Variants in ANKRD12 observed in about 807,000 individuals in gnomAD.
ANKRD12 encodes ankyrin repeat domain-containing protein 12.
ANKRD12 carries 85 observed loss-of-function variants against 183.4 expected under a neutral mutation model. The observed-to-expected ratio is 0.46, with a 90% CI of 0.39 to 0.56. The LOEUF (loss-of-function observed/expected upper bound fraction) is 0.56. ANKRD12 is among the 20% of genes least tolerant of loss of function. ANKRD12 has a pLI of 0.00. For synonymous variants in ANKRD12, 914 were observed against 800.2 expected (o/e 1.14, Z -2.40); for missense variants, 2,405 against 2,357.1 (o/e 1.02, Z -0.42).
At chr18:9,188,495 T>C (rs754028160) in intron 2 of ANKRD12, among the ~76,000 whole-genome samples, 1 of 152,242 alleles carries the variant, frequency 6.6e-6, no homozygotes, top group Non-Finnish European at 1.5e-5. Flanking sequence ...TGGAGAATTA[T>C]GTCCCAACAC....
At chr18:9,199,509 C>A (rs1468890163) in intron 3 of ANKRD12, among the ~76,000 whole-genome samples, 2 of 151,960 alleles carry the variant, frequency 1.3e-5, no homozygotes, top group African/African-American at 4.8e-5. Flanking sequence ...ATGTTATAAA[C>A]CTTGACGTAA....
chr18:9,244,908 T>C (rs1567958497), intron 8 of ANKRD12, among the ~76,000 whole-genome samples: 1 of 152,228 alleles, frequency 6.6e-6, no homozygotes, highest in East Asian at 1.9e-4. Context: ...AAAATGTTTC[T>C]CCTGGGTGGT....
At chr18:9,262,453 G>GTT (rs1382866720) in intron 9 of ANKRD12, among the ~76,000 whole-genome samples, 2 of 152,030 alleles carry the variant, frequency 1.3e-5, no homozygotes, top group Non-Finnish European at 2.9e-5. Context: ...GTTTTGTTTT[G>GTT]TTTTTAGTTT....
chr18:9,155,981 A>G (rs993156774), intron 1 of ANKRD12, among the ~76,000 whole-genome samples: 2 of 152,070 alleles, frequency 1.3e-5, no homozygotes, highest in African/African-American at 2.4e-5. Flanking sequence ...CTAAAAATGC[A>G]AAAATTAGCT....
intron 8 of ANKRD12, among the ~76,000 whole-genome samples, chr18:9,252,470 A>G (rs1019884048): frequency 3.3e-5 from 5 of 152,210 alleles, no homozygotes; most frequent in African/African-American, 9.7e-5. Flanking sequence ...CTCCACTTTC[A>G]TCATGGACAT....
intron 2 of ANKRD12, among the ~76,000 whole-genome samples, chr18:9,190,908 G>A (rs181047552): frequency 2.2e-4 from 34 of 152,134 alleles, no homozygotes; most frequent in Non-Finnish European, 4.7e-4. Flanking sequence ...TTGCTTTATC[G>A]TGGTGGTCTG....
rs1429078657 is a variant in ANKRD12 at position 9,284,858 on chromosome 18, T to C, written c.*3732T>C. 2.0e-5 allele frequency: 3 copies of C among 152,362 alleles called. No individual in the cohort carries two copies. The highest frequency in any genetic ancestry group is 4.8e-5 in the African/African-American group (2 of 41,582). The allele number at this position is 152,362 out of a possible 1,614,324, so 9.4% of individuals were successfully genotyped here. ...TTGGGTTTTCCCAGTGGTTAAATGC[T>C]ATATAATAACTGCAAATAAAAGTTT... On this transcript the variant is annotated 3_prime_UTR_variant, in exon 13 of 13. Coordinates refer to ENST00000262126, the MANE Select transcript of ANKRD12 (RefSeq NM_015208.5).
chr18:9,166,215 T>G (rs1258484301), intron 1 of ANKRD12, among the ~76,000 whole-genome samples: 1 of 152,208 alleles, frequency 6.6e-6, no homozygotes, highest in African/African-American at 2.4e-5. Context: ...GCATGATTTG[T>G]AATCCTTTGG....
At chr18:9,221,226 G>A (rs1384404904) in intron 7 of ANKRD12, among the ~76,000 whole-genome samples, 2 of 152,132 alleles carry the variant, frequency 1.3e-5, no homozygotes, top group African/African-American at 4.8e-5. Context: ...CTGGTTATGT[G>A]GAACTTGAAG....
intron 3 of ANKRD12, among the ~76,000 whole-genome samples, chr18:9,198,256 AG>A (rs1852582923): frequency 6.6e-6 from 1 of 152,226 alleles, no homozygotes; most frequent in African/African-American, 2.4e-5. Flanking sequence ...AAGTGTGAAA[AG>A]GAAACTCAAA....
At position 9,269,946 on chromosome 18, in the gene ANKRD12, G is replaced by C. The variant is rs2039505613; in HGVS notation, c.5764-5578G>C. Among the ~76,000 whole-genome samples, 5 of 152,144 alleles carry C rather than the reference G, an allele frequency of 3.3e-5. No individual in the cohort carries two copies. The South Asian group carries it at 1.0e-3, about 32-fold the overall frequency. ...CAAGAAAAAACCCCATCAACAAGTG[G>C]GTGAAGGATATGAACAGACACTTCT... On this transcript the variant is annotated intron_variant, in intron 10 of 12. Transcript: ENST00000262126.
chr18:9,157,548 TGG>T (rs1469085078), intron 1 of ANKRD12, among the ~76,000 whole-genome samples: 3 of 108,702 alleles, frequency 2.8e-5, no homozygotes, highest in African/African-American at 1.5e-4. Flanking sequence ...ATGGTGTGTG[TGG>T]GTGTGTGTGT....
chr18:9,183,737 T>C (rs2033860405), intron 2 of ANKRD12, among the ~76,000 whole-genome samples: 1 of 152,150 alleles, frequency 6.6e-6, no homozygotes, highest in South Asian at 2.1e-4. Flanking sequence ...CCCCCCTTTT[T>C]TCCCCGATTA....
At chr18:9,212,571 A>G (rs2035867910) in intron 6 of ANKRD12, among the ~76,000 whole-genome samples, 1 of 152,008 alleles carries the variant, frequency 6.6e-6, no homozygotes, top group Non-Finnish European at 1.5e-5. Context: ...GCAACACTGT[A>G]GTAAATACCT....
Position 9,256,696 on chromosome 18 carries a change from T to G in ANKRD12, c.3429T>G (p.Ser1143Arg). ...SKNKELTRSK[S>R]SEVTDAYTKE... ...ATAAAGAACTTACTAGGTCAAAGAG[T>G]TCAGAAGTGACTGATGCATATACCA... The change falls in exon 9 of 13, where the codon AGT becomes AGG. Residue 1143 changes from serine to arginine, a missense_variant. Coordinates refer to ENST00000262126, the MANE Select transcript of ANKRD12 (RefSeq NM_015208.5). The G allele has an allele frequency of 3.7e-6, 6 of 1,608,020 alleles. No homozygotes were observed. Among genetic ancestry groups the G allele is most frequent in the Non-Finnish European group, 5.1e-6 (6 of 1,178,412 alleles).
At chr18:9,278,364 A>C (rs968068317) in intron 11 of ANKRD12, among the ~76,000 whole-genome samples, 2 of 152,188 alleles carry the variant, frequency 1.3e-5, no homozygotes, top group African/African-American at 4.8e-5. Context: ...CTTCCTTTTC[A>C]AAATAAACTT....
At chr18:9,221,725 T>C (rs1306359330) in intron 7 of ANKRD12, 127 bp from the exon 8 acceptor site, 20 of 871,634 alleles carry the variant, frequency 2.3e-5, no homozygotes, top group Non-Finnish European at 2.9e-5. Flanking sequence ...TTAGAGTAGA[T>C]GGTGAGGAAT....
chr18:9,147,612 T>G (rs2078535856), intron 1 of ANKRD12, among the ~76,000 whole-genome samples: 1 of 152,226 alleles, frequency 6.6e-6, no homozygotes, highest in Admixed American at 6.5e-5. Context: ...ATCTTAAGTC[T>G]GTTGCACATC....
chr18:9,194,399 CAGGCTGG>C (rs1368165759), intron 2 of ANKRD12, among the ~76,000 whole-genome samples: 2 of 151,342 alleles, frequency 1.3e-5, no homozygotes, highest in African/African-American at 4.9e-5. Context: ...TCTTGTTGCC[CAGGCTGG>C]AGTGCAACGG....
Sources: allele counts gnomAD v4.1 joint callset (sites outside exome capture counted in the v4.1 genomes callset), GRCh38; gene constraint gnomAD v4.1.1; transcripts MANE v1.5; gene names NCBI Gene and HGNC (gene_info 2026-07-23, HGNC 2026-07-21).